CLASP1: variants seen among roughly 807,000 people sequenced by gnomAD.
CLASP1 encodes CLIP-associating protein 1.
CLASP1 carries 38 observed loss-of-function variants against 192.3 expected under a neutral mutation model. That is an observed-to-expected ratio of 0.20 (90% CI 0.15 to 0.26). The LOEUF is 0.26. Among genes scored for constraint, CLASP1 ranks in the 10% least tolerant of loss-of-function variants. The probability of loss-of-function intolerance (pLI) is 1.00; values close to 1 mark genes in which losing one functional copy is unlikely to be tolerated. For synonymous variants in CLASP1, 691 were observed against 712.8 expected (o/e 0.97, Z 0.49); for missense variants, 1,433 against 1,932.5 (o/e 0.74, Z 4.85).
At chr2:121,647,648 T>C (rs1360941092) in intron 1 of CLASP1, among the ~76,000 whole-genome samples, 1 of 152,200 alleles carries the variant, frequency 6.6e-6, no homozygotes, top group Non-Finnish European at 1.5e-5. Context: ...ATAAATAAAG[T>C]GGAATCTGTG....
At chr2:121,470,293 C>CTTTTTTTTTTTTTT (rs70954550) in intron 8 of CLASP1, 14 of 309,052 alleles carry the variant, frequency 4.5e-5, no homozygotes, top group South Asian at 7.0e-5. Flanking sequence ...ACCATCCATG[C>CTTTTTTTTTTTTTT]TTTTTTTTTT....
chr2:121,483,593 TACAC>T (rs2092775666), intron 8 of CLASP1, among the ~76,000 whole-genome samples: 1 of 151,836 alleles, frequency 6.6e-6, no homozygotes, highest in Non-Finnish European at 1.5e-5. Flanking sequence ...TATACATATA[TACAC>T]ACACACAAGA....
chr2:121,572,632 G>C (rs770306329), intron 2 of CLASP1, among the ~76,000 whole-genome samples: 3 of 152,074 alleles, frequency 2.0e-5, no homozygotes, highest in African/African-American at 7.2e-5. Flanking sequence ...AGTGGCTCAC[G>C]CACCTGTAAT....
At chr2:121,470,931 T>C (rs765946666) in intron 8 of CLASP1, among the ~76,000 whole-genome samples, 5 of 152,206 alleles carry the variant, frequency 3.3e-5, no homozygotes, top group Admixed American at 6.5e-5. Flanking sequence ...TGAACATTTT[T>C]TTCGTAAGTT....
Position 121,614,419 on chromosome 2 carries a change from C to G in CLASP1, c.-285-8239G>C, listed in dbSNP as rs541909194. 2.0e-5 allele frequency among the ~76,000 whole-genome samples: 3 copies of G among 152,196 alleles called. No individual in the cohort carries two copies. The East Asian group carries it at 5.8e-4, about 29-fold the overall frequency. ...GCTGAGGCAGGGAAATCACTTGAGCCTGGGAGGCAGAGTTTGTGGTGAGCT... is the reference window on the plus strand; with the variant it reads ...GCTGAGGCAGGGAAATCACTTGAGCGTGGGAGGCAGAGTTTGTGGTGAGCT... On this transcript the variant is annotated intron_variant, in intron 1 of 39. Coordinates refer to ENST00000263710, the Ensembl canonical transcript of CLASP1.
intron 14 of CLASP1, among the ~76,000 whole-genome samples, chr2:121,453,515 A>G (rs2085991856): frequency 6.6e-6 from 1 of 152,128 alleles, no homozygotes; most frequent in African/African-American, 2.4e-5. Flanking sequence ...TTCAAAGGAA[A>G]AGACACCAAC....
At chr2:121,366,352 G>A (rs2067404588) in intron 35 of CLASP1, among the ~76,000 whole-genome samples, 1 of 152,220 alleles carries the variant, frequency 6.6e-6, no homozygotes. Flanking sequence ...CAGAGTCTGA[G>A]ATGCTACCCA....
At chr2:121,618,304 G>T (rs1011823661) in intron 1 of CLASP1, among the ~76,000 whole-genome samples, 1 of 148,714 alleles carries the variant, frequency 6.7e-6, no homozygotes, top group African/African-American at 2.6e-5. Context: ...ACAGTCACTG[G>T]CAGTCATAAG....
At position 121,568,911 on chromosome 2, in the gene CLASP1, GAATTGA is replaced by G. The variant is rs765550527; in HGVS notation, c.195+36784_195+36789del. Among the ~76,000 whole-genome samples the G allele has an allele frequency of 7.9e-3, 1,198 of 152,218 alleles. 7 individuals carry two copies. Among genetic ancestry groups the G allele is most frequent in the Non-Finnish European group, 0.014 (946 of 68,026 alleles). On this transcript the variant is annotated intron_variant, in intron 2 of 39. Transcript: ENST00000263710. The stretch of plus-strand genomic sequence containing the variant: ...GTGGCAGGAATAGTTTGGAGGAATA[GAATTGA>G]TAGGGTAGCCTCTGGCTGTCCTGAG...
chr2:121,403,785 CA>C (rs780689331), intron 26 of CLASP1: 7 of 467,424 alleles, frequency 1.5e-5, no homozygotes, highest in Admixed American at 4.5e-5. Flanking sequence ...ACTCTCTCAT[CA>C]AAAAAAGCAT....
chr2:121,469,726 C>T lies in CLASP1; in HGVS notation c.865+82G>A, dbSNP rs879041037. The T allele has an allele frequency of 1.8e-5, 25 of 1,392,528 alleles. No homozygotes were observed. The South Asian group carries it at 3.2e-4, about 18-fold the overall frequency. 86.3% of individuals were successfully genotyped at this position (1,392,528 alleles called of 1,614,324 possible). A position where few individuals can be genotyped will look rare whatever the true frequency, so the allele number is the denominator to read the frequency against. On this transcript the variant is annotated intron_variant, in intron 9 of 39. Coordinates refer to ENST00000263710, the Ensembl canonical transcript of CLASP1. Reference sequence around the variant, plus strand: ...ATGGGGACTGTATCACTTCTGAGGGCCACCACAGGCAAGTACGTGCACCTC... The same window carrying T: ...ATGGGGACTGTATCACTTCTGAGGGTCACCACAGGCAAGTACGTGCACCTC...
chr2:121,605,889 G>A (rs763383278), exon 2 of CLASP1: 28 of 1,613,652 alleles, frequency 1.7e-5, no homozygotes, highest in Non-Finnish European at 2.2e-5. Flanking sequence ...TCCATGCGAG[G>A]CTCCATAGTG....
At chr2:121,409,069 A>C in intron 24 of CLASP1, 1 of 1,554,726 alleles carries the variant, frequency 6.4e-7, no homozygotes, top group Non-Finnish European at 8.7e-7. Context: ...AAAATATTGA[A>C]GGATGGGGAA....
Position 121,619,411 on chromosome 2 carries a change from T to C in CLASP1, c.-285-13231A>G, listed in dbSNP as rs376405675. 3.3e-5 allele frequency among the ~76,000 whole-genome samples: 5 copies of C among 152,276 alleles called. No homozygotes were observed. In the East Asian group the frequency reaches 9.6e-4, roughly 29 times the overall value. On this transcript the variant is annotated intron_variant, in intron 1 of 39. Transcript: ENST00000263710. Reference sequence around the variant, plus strand: ...TGGAGGGAAATCTACCTTTCAACACTACAGAACATAGTGAAGTAAATGATA... The same window carrying C: ...TGGAGGGAAATCTACCTTTCAACACCACAGAACATAGTGAAGTAAATGATA...
At chr2:121,552,600 C>T (rs2058141526) in intron 2 of CLASP1, among the ~76,000 whole-genome samples, 2 of 152,186 alleles carry the variant, frequency 1.3e-5, no homozygotes, top group South Asian at 2.1e-4. Context: ...AAAAGCTCAA[C>T]ATCACTGATC....
intron 34 of CLASP1, among the ~76,000 whole-genome samples, chr2:121,368,436 G>C (rs533118707): frequency 6.6e-6 from 1 of 152,128 alleles, no homozygotes; most frequent in South Asian, 2.1e-4. Flanking sequence ...CAGGACTTTA[G>C]TATTTCCCAA....
chr2:121,497,573 A>T (rs2093583613), intron 8 of CLASP1, among the ~76,000 whole-genome samples: 3 of 152,228 alleles, frequency 2.0e-5, no homozygotes, highest in Admixed American at 6.5e-5. Context: ...AACCAGGGAA[A>T]AAGCACTGCC....
chr2:121,381,304 CTT>C (rs77181666), intron 33 of CLASP1, among the ~76,000 whole-genome samples: 2 of 144,364 alleles, frequency 1.4e-5, no homozygotes, highest in African/African-American at 5.1e-5. Flanking sequence ...AGTAACAGGT[CTT>C]TTTTTTTTTT....
intron 2 of CLASP1, among the ~76,000 whole-genome samples, chr2:121,535,834 TGAGCTTTTGTAGAGGA>T (rs1310231161): frequency 6.6e-6 from 1 of 151,820 alleles, no homozygotes; most frequent in African/African-American, 2.4e-5. Context: ...GCTAATTTTT[TGAGCTTTTGTAGAGGA>T]GAGGTTTTGC....
Sources: gnomAD v4.1 joint callset for allele counts (sites outside exome capture counted in the v4.1 genomes callset) on GRCh38, gnomAD v4.1.1 for gene constraint, MANE v1.5 for transcripts, NCBI Gene and HGNC (gene_info 2026-07-23, HGNC 2026-07-21) for gene names.